PIK3C2G: variants seen among roughly 807,000 people sequenced by gnomAD.
The protein encoded by PIK3C2G is phosphatidylinositol 3-kinase C2 domain-containing subunit gamma.
PIK3C2G carries 168 observed loss-of-function variants against 181.1 expected under a neutral mutation model. The observed-to-expected ratio is 0.93, with a 90% CI of 0.82 to 1.05. The LOEUF (loss-of-function observed/expected upper bound fraction) is 1.05, where lower values mean the gene tolerates loss of function less well. Ranked by LOEUF, PIK3C2G falls within the 50% of genes least tolerant of loss-of-function variation. The probability of loss-of-function intolerance (pLI) is 0.00; values close to 1 mark genes in which losing one functional copy is unlikely to be tolerated. For missense variants in PIK3C2G, 1,869 were observed against 1,732.8 expected, an observed-to-expected ratio of 1.08 and a Z score of -1.40; for synonymous variants, 573 against 592.2, an observed-to-expected ratio of 0.97 and a Z score of 0.47.
At chr12:18,316,339 A>G (rs1203538664) in intron 6 of PIK3C2G, among the ~76,000 whole-genome samples, 1 of 152,192 alleles carries the variant, frequency 6.6e-6, no homozygotes, top group Non-Finnish European at 1.5e-5. Flanking sequence ...AAAAAAGGTG[A>G]GATAATCATA....
chr12:18,377,356 G>C (rs566573559), intron 13 of PIK3C2G, among the ~76,000 whole-genome samples: 2 of 152,202 alleles, frequency 1.3e-5, no homozygotes, highest in African/African-American at 2.4e-5. Flanking sequence ...TATTCTTAAG[G>C]ATACTCCAGA....
rs757394588 is a variant in PIK3C2G at position 18,364,490 on chromosome 12, A to AT, written c.1748+1614dup. Among the ~76,000 whole-genome samples, 154 of 151,118 alleles carry AT rather than the reference A, an allele frequency of 1.0e-3. 1 individual carries two copies. Among genetic ancestry groups the AT allele is most frequent in the South Asian group, 2.9e-3 (14 of 4,766 alleles). ...TATGCTCCTACCGAATAATACAAAG[A>AT]TTTTTTTTTTAATTTTATTTAGTCG... is the stretch of plus-strand genomic sequence containing the variant. On this transcript the variant is annotated intron_variant, in intron 12 of 32. Coordinates refer to ENST00000538779, the MANE Select transcript of PIK3C2G (RefSeq NM_001288772.2).
chr12:18,404,979 C>T (rs962923287), intron 16 of PIK3C2G, among the ~76,000 whole-genome samples: 3 of 151,914 alleles, frequency 2.0e-5, no homozygotes, highest in Non-Finnish European at 4.4e-5. Context: ...GCAGTAGGAA[C>T]GCACAAAGCA....
chr12:18,566,002 A>G (rs1001814768), intron 28 of PIK3C2G, among the ~76,000 whole-genome samples: 1 of 152,196 alleles, frequency 6.6e-6, no homozygotes. Flanking sequence ...GTATACTGGT[A>G]CTAATTTTCA....
intron 24 of PIK3C2G, among the ~76,000 whole-genome samples, chr12:18,513,020 T>C (rs1046261447): frequency 2.0e-5 from 3 of 151,884 alleles, no homozygotes; most frequent in African/African-American, 7.2e-5. Flanking sequence ...TTACATTTTG[T>C]CACGTGATTT....
chr12:18,363,102 A>G (rs1408925517), intron 12 of PIK3C2G: 4 of 375,036 alleles, frequency 1.1e-5, no homozygotes, highest in South Asian at 5.1e-5. Context: ...TCCAATTCAC[A>G]TTATTGAACT....
the PIK3C2G span, among the ~76,000 whole-genome samples, chr12:18,671,646 T>C: frequency 1.3e-5 from 2 of 151,928 alleles, no homozygotes; most frequent in East Asian, 3.9e-4. Context: ...CTATATTGGA[T>C]ATAAAAAAAA....
chr12:18,399,761 T>A lies in PIK3C2G; in HGVS notation c.2229T>A (p.Asp743Glu). 6.2e-7 allele frequency: 1 copy of A among 1,606,816 alleles called. No individual in the cohort carries two copies. The highest frequency in any genetic ancestry group is 8.5e-7 in the Non-Finnish European group (1 of 1,174,774). Residue 743 changes from aspartate (D) to glutamate (E), a missense_variant, in exon 16 of 33, where the codon GAT becomes GAA. Coordinates refer to ENST00000538779, the MANE Select transcript of PIK3C2G (RefSeq NM_001288772.2). ...PLVLGSAPGW[D>E]ERTVSEMHTI... ...TCCTGGGTAGTGCCCCTGGATGGGA[T>A]GAAAGGACTGTTTCAGAAATGCATA...
exon 1 of PIK3C2G, chr12:18,247,713 C>T (rs1296380765): frequency 2.6e-5 from 4 of 152,136 alleles, no homozygotes; most frequent in African/African-American, 7.2e-5. Context: ...TCTTATTGTA[C>T]ATATGCCTGA....
chr12:18,692,572 G>T, the PIK3C2G span, among the ~76,000 whole-genome samples: 1 of 152,132 alleles, frequency 6.6e-6, no homozygotes, highest in Non-Finnish European at 1.5e-5. Flanking sequence ...TGGAGGAAAG[G>T]TGCTAGGTGG....
At chr12:18,528,909 CT>C (rs1467689814) in intron 24 of PIK3C2G, among the ~76,000 whole-genome samples, 1 of 152,144 alleles carries the variant, frequency 6.6e-6, no homozygotes, top group African/African-American at 2.4e-5. Context: ...TTGCTATGCA[CT>C]AGCTGCATTA....
intron 14 of PIK3C2G, among the ~76,000 whole-genome samples, chr12:18,390,896 C>T (rs1592138747): frequency 6.6e-6 from 1 of 152,112 alleles, no homozygotes; most frequent in Middle Eastern, 3.4e-3. Flanking sequence ...TACCGGTGAC[C>T]CATCTATACC....
chr12:18,663,164 C>G, the PIK3C2G span, among the ~76,000 whole-genome samples: 2 of 151,982 alleles, frequency 1.3e-5, no homozygotes, highest in East Asian at 3.9e-4. Flanking sequence ...AGATCAGGAA[C>G]AAGGCAAGGG....
At chr12:18,356,737 A>G (rs1940772106) in intron 11 of PIK3C2G, among the ~76,000 whole-genome samples, 1 of 152,046 alleles carries the variant, frequency 6.6e-6, no homozygotes, top group South Asian at 2.1e-4. Context: ...GCTGGCCGAA[A>G]TCTTCTGAAA....
chr12:18,636,385 A>C (rs558298520), intron 31 of PIK3C2G, among the ~76,000 whole-genome samples: 10 of 152,216 alleles, frequency 6.6e-5, no homozygotes, highest in Non-Finnish European at 1.2e-4. Context: ...GGCACGTGCC[A>C]CCATGTCCAG....
the PIK3C2G span, among the ~76,000 whole-genome samples, chr12:18,722,150 T>A: frequency 6.6e-6 from 1 of 152,050 alleles, no homozygotes; most frequent in African/African-American, 2.4e-5. Flanking sequence ...TCTCACACTC[T>A]CAGAGAGGGT....
At chr12:18,573,729 G>T (rs1032489117) in intron 29 of PIK3C2G, among the ~76,000 whole-genome samples, 1 of 152,088 alleles carries the variant, frequency 6.6e-6, no homozygotes, top group Non-Finnish European at 1.5e-5. Context: ...CATCACCCAA[G>T]CTACCCCTGG....
At chr12:18,442,386 T>G (rs1269507739) in intron 18 of PIK3C2G, among the ~76,000 whole-genome samples, 14 of 149,066 alleles carry the variant, frequency 9.4e-5, no homozygotes, top group Non-Finnish European at 1.5e-5. Context: ...AAGAAAAATA[T>G]AAATAAGCAA....
intron 18 of PIK3C2G, among the ~76,000 whole-genome samples, chr12:18,459,098 A>C (rs1177188264): frequency 6.6e-6 from 1 of 152,172 alleles, no homozygotes; most frequent in African/African-American, 2.4e-5. Context: ...GTTTTAAGCC[A>C]CTAATGAAGA....
Sources: allele counts gnomAD v4.1 joint callset (sites outside exome capture counted in the v4.1 genomes callset), GRCh38; gene constraint gnomAD v4.1.1; transcripts MANE v1.5; gene names NCBI Gene and HGNC (gene_info 2026-07-23, HGNC 2026-07-21).